The following GNAL variants were observed in gnomAD, a reference collection of about 807,000 sequenced individuals.
GNAL encodes the protein guanine nucleotide-binding protein G(olf) subunit alpha.
Under a neutral mutation model 55.1 loss-of-function variants are expected in GNAL, and 18 were observed. The observed-to-expected ratio is 0.33, with a 90% CI of 0.23 to 0.48. GNAL has a LOEUF of 0.48. Ranked by LOEUF, GNAL falls within the 20% of genes least tolerant of loss-of-function variation. The pLI, the probability that GNAL is intolerant of heterozygous loss-of-function variation, is 0.99. For missense variants in GNAL, 412 were observed against 614.1 expected, an observed-to-expected ratio of 0.67 and a Z score of 3.48; for synonymous variants, 253 against 237.0, an observed-to-expected ratio of 1.07 and a Z score of -0.62.
chr18:11,852,280 C>G (rs758377044), intron 5 of GNAL: 1 of 788,734 alleles, frequency 1.3e-6, no homozygotes. Flanking sequence ...TTCAGTATTT[C>G]TGCACTCTTA....
At chr18:11,732,962 G>T (rs1231856080) in intron 1 of GNAL, among the ~76,000 whole-genome samples, 2 of 152,206 alleles carry the variant, frequency 1.3e-5, no homozygotes, top group Non-Finnish European at 2.9e-5. Context: ...CATGAAGTAA[G>T]AGCTTTCTGG....
Position 11,689,640 on chromosome 18 carries a change from C to G in GNAL, c.77C>G (p.Pro26Arg). 1 of 1,383,882 alleles carries G rather than the reference C, an allele frequency of 7.2e-7. No homozygotes were observed. The highest frequency in any genetic ancestry group is 9.3e-7 in the Non-Finnish European group (1 of 1,077,446). 85.7% of individuals were successfully genotyped at this position (1,383,882 alleles called of 1,614,324 possible). ...GACCCCTGCGCGGCCTCGGAGCCGC[C>G]GGTGGAGGACGCGCAGCCCGCCCCG... Reference protein sequence around the residue: ...GDDPCAASEPPVEDAQPAPAP... With the variant: ...GDDPCAASEPRVEDAQPAPAP... The change falls in exon 1 of 12, where the codon CCG becomes CGG. Residue 26 changes from proline (P) to arginine (R), a missense_variant. Physicochemically the swap from Pro to Arg is moderately radical, Grantham distance 103. This residue lies in a region of GNAL where 228 missense variants were observed against 194.8 expected (regional missense o/e 1.17). Transcript: ENST00000334049.
At chr18:11,755,775 C>T (rs1260979614) in intron 4 of GNAL, among the ~76,000 whole-genome samples, 1 of 152,008 alleles carries the variant, frequency 6.6e-6, no homozygotes, top group African/African-American at 2.4e-5. Context: ...AAGGGGTTGA[C>T]GTGGCAGGGG....
chr18:11,754,823 A>G, intron 4 of GNAL, among the ~76,000 whole-genome samples: 1 of 150,712 alleles, frequency 6.6e-6, no homozygotes, highest in East Asian at 1.9e-4. Context: ...CTTGGATGGC[A>G]GTATTGCTTA....
In GNAL at chr18:11,719,882, C is replaced by T. The variant is rs143021719; in HGVS notation, c.376+29943C>T. 3.7e-3 allele frequency among the ~76,000 whole-genome samples: 568 copies of T among 152,324 alleles called. 5 individuals are homozygous for T. The highest frequency in any genetic ancestry group is 0.013 in the African/African-American group (539 of 41,574). On this transcript the variant is annotated intron_variant, in intron 1 of 11. Transcript: ENST00000334049. ...GGCAACATCAAGACATTTATAGCAG[C>T]ATGTGTGTGTGCCAGCAATAGAGTG...
At chr18:11,702,869 A>T (rs746386835) in intron 1 of GNAL, among the ~76,000 whole-genome samples, 5 of 151,922 alleles carry the variant, frequency 3.3e-5, no homozygotes, top group Non-Finnish European at 7.4e-5. Flanking sequence ...TGCAATCCCA[A>T]CACTTTGGGA....
At chr18:11,699,313 G>A (rs2031500282) in intron 1 of GNAL, among the ~76,000 whole-genome samples, 1 of 151,916 alleles carries the variant, frequency 6.6e-6, no homozygotes, top group Non-Finnish European at 1.5e-5. Context: ...TCTTGCCTCA[G>A]CCTCCCAAGT....
At chr18:11,864,083 GTTC>G (rs1445482056) in intron 6 of GNAL, among the ~76,000 whole-genome samples, 3 of 140,062 alleles carry the variant, frequency 2.1e-5, no homozygotes, top group East Asian at 4.0e-4. Flanking sequence ...ATTCGTCTGA[GTTC>G]TTTTTTTTTT....
chr18:11,820,512 C>T (rs2035064580), intron 4 of GNAL, among the ~76,000 whole-genome samples: 1 of 152,012 alleles, frequency 6.6e-6, no homozygotes, highest in African/African-American at 2.4e-5. Flanking sequence ...GATATGCTGC[C>T]TTATAAATAA....
At chr18:11,760,771 T>G (rs1356022507) in intron 4 of GNAL, among the ~76,000 whole-genome samples, 1 of 152,030 alleles carries the variant, frequency 6.6e-6, no homozygotes, top group Non-Finnish European at 1.5e-5. Context: ...GCATGGTGTT[T>G]GTATCTTGAA....
chr18:11,776,575 G>T (rs1341319051), intron 4 of GNAL, among the ~76,000 whole-genome samples: 1 of 151,868 alleles, frequency 6.6e-6, no homozygotes, highest in Non-Finnish European at 1.5e-5. Flanking sequence ...ACCCATGCTG[G>T]TGCACACCTG....
intron 1 of GNAL, among the ~76,000 whole-genome samples, chr18:11,717,760 T>C (rs943450072): frequency 3.3e-5 from 5 of 152,034 alleles, no homozygotes; most frequent in Non-Finnish European, 5.9e-5. Context: ...CATGGACCCA[T>C]AGAGGGGAAC....
At chr18:11,756,384 C>T (rs1372229744) in intron 4 of GNAL, among the ~76,000 whole-genome samples, 3 of 152,054 alleles carry the variant, frequency 2.0e-5, no homozygotes, top group Non-Finnish European at 4.4e-5. Flanking sequence ...AATTTAGCAC[C>T]AGCAGATGCA....
Position 11,883,223 on chromosome 18 carries a change from CT to C in GNAL, c.*2089del, listed in dbSNP as rs199642108. Reference sequence around the variant, plus strand: ...TTTTATCTCATCACCGTCTTACTGCCTCCCCATCCACTGTCTCATAAAGCCC... The same window carrying C: ...TTTTATCTCATCACCGTCTTACTGCCCCCCATCCACTGTCTCATAAAGCCC... On this transcript the variant is annotated 3_prime_UTR_variant, in exon 12 of 12. Transcript: ENST00000334049. The C allele has an allele frequency of 7.2e-6, 1 of 138,810 alleles. No homozygotes were observed. Among genetic ancestry groups the C allele is most frequent in the East Asian group, 2.7e-4 (1 of 3,760 alleles). The allele number at this position is 138,810 out of a possible 1,614,324, so 8.6% of individuals were successfully genotyped here. A position where few individuals can be genotyped will look rare whatever the true frequency, so the allele number is the denominator to read the frequency against.
rs2033704374 is a variant in GNAL, at chr18:11,773,850, G to GA, written c.624+19905_624+19906insA. ...AAAACAATCGCATCTGAGTAATTTCGGTGACTAGAGTAAAAGTTCCTTAAC... is the reference window on the plus strand; with the variant it reads ...AAAACAATCGCATCTGAGTAATTTCGAGTGACTAGAGTAAAAGTTCCTTAAC... On this transcript the variant is annotated intron_variant, in intron 4 of 11. Transcript: ENST00000334049. Among the ~76,000 whole-genome samples, 5 of 152,060 alleles carry GA rather than the reference G, an allele frequency of 3.3e-5. No homozygotes were observed. The South Asian group carries it at 8.3e-4, about 25-fold the overall frequency.
At chr18:11,724,355 C>T (rs2032164459) in intron 1 of GNAL, among the ~76,000 whole-genome samples, 1 of 152,202 alleles carries the variant, frequency 6.6e-6, no homozygotes, top group Non-Finnish European at 1.5e-5. Context: ...TAGAGCACCA[C>T]AGGCTGCGTG....
rs563768935 is a variant in GNAL, at chr18:11,696,864, G to A, written c.376+6925G>A. Among the ~76,000 whole-genome samples the A allele has an allele frequency of 3.9e-4, 59 of 152,118 alleles. 1 individual carries two copies. The highest frequency in any genetic ancestry group is 4.3e-4 in the Non-Finnish European group (29 of 68,016). ...TATGAACACTTCCTTCAAAATTTGG[G>A]GGTATCCTGTGACCCACTAAAAGAT... On this transcript the variant is annotated intron_variant, in intron 1 of 11. Coordinates refer to ENST00000334049, the MANE Select transcript of GNAL (RefSeq NM_182978.4).
intron 1 of GNAL, among the ~76,000 whole-genome samples, chr18:11,729,558 T>C (rs997607566): frequency 1.3e-5 from 2 of 152,222 alleles, no homozygotes; most frequent in African/African-American, 4.8e-5. Flanking sequence ...TATTATGTAC[T>C]TCCTTCATAA....
intron 5 of GNAL, among the ~76,000 whole-genome samples, chr18:11,844,435 AAAAT>A (rs1159867422): frequency 3.9e-5 from 6 of 152,166 alleles, no homozygotes; most frequent in African/African-American, 1.2e-4. Flanking sequence ...ACTCTATCTC[AAAAT>A]AAATAAATAA....
Sources: allele counts gnomAD v4.1 joint callset (sites outside exome capture counted in the v4.1 genomes callset), GRCh38; gene constraint gnomAD v4.1.1; regional missense constraint gnomAD v4.1.1; transcripts MANE v1.5; gene names NCBI Gene and HGNC (gene_info 2026-07-23, HGNC 2026-07-21).